Variants in THSD4 observed in about 807,000 individuals in gnomAD.
THSD4 encodes the protein thrombospondin type-1 domain-containing protein 4.
THSD4 carries 69 observed loss-of-function variants against 119.0 expected under a neutral mutation model. The observed-to-expected ratio is 0.58, with a 90% confidence interval of 0.48 to 0.71. The LOEUF (loss-of-function observed/expected upper bound fraction) is 0.71, where lower values mean the gene tolerates loss of function less well. THSD4 is among the 30% of genes least tolerant of loss of function. The probability of loss-of-function intolerance (pLI) is 0.00; values close to 1 mark genes in which losing one functional copy is unlikely to be tolerated. For missense variants in THSD4, 1,393 were observed against 1,391.1 expected (o/e 1.00, Z -0.02); for synonymous variants, 524 against 540.4 (o/e 0.97, Z 0.42).
intron 7 of THSD4, among the ~76,000 whole-genome samples, chr15:71,452,277 C>T (rs550730387): frequency 6.6e-6 from 1 of 152,252 alleles, no homozygotes; most frequent in African/African-American, 2.4e-5. Flanking sequence ...CTCCCAGCTC[C>T]CATTTTCCCA....
At chr15:71,337,350 G>A (rs1038282518) in intron 6 of THSD4, among the ~76,000 whole-genome samples, 2 of 152,218 alleles carry the variant, frequency 1.3e-5, no homozygotes, top group Non-Finnish European at 2.9e-5. Context: ...GGAGCCAGGA[G>A]TGAAAAGTGG....
At chr15:71,666,182 G>C (rs985454614) in intron 8 of THSD4, among the ~76,000 whole-genome samples, 3 of 152,122 alleles carry the variant, frequency 2.0e-5, no homozygotes. Context: ...ATTTCCTTGA[G>C]TGGTGTTTTG....
At chr15:71,284,511 G>A (rs946811245) in intron 6 of THSD4, among the ~76,000 whole-genome samples, 2 of 152,184 alleles carry the variant, frequency 1.3e-5, no homozygotes, top group Non-Finnish European at 2.9e-5. Context: ...ATGCTGAGAA[G>A]CCAAGTTACT....
At chr15:71,759,870 C>G (rs552080181) in intron 15 of THSD4, among the ~76,000 whole-genome samples, 1 of 152,154 alleles carries the variant, frequency 6.6e-6, no homozygotes, top group African/African-American at 2.4e-5. Flanking sequence ...AGATTAGAAA[C>G]AAAGGATTTG....
At chr15:71,572,650 G>T (rs1369013337) in intron 7 of THSD4, among the ~76,000 whole-genome samples, 6 of 152,148 alleles carry the variant, frequency 3.9e-5, no homozygotes, top group African/African-American at 1.4e-4. Flanking sequence ...GAGTCCAAAA[G>T]GGCTTGCTGA....
At chr15:71,155,540 C>T (rs953816226) in intron 3 of THSD4, among the ~76,000 whole-genome samples, 2 of 152,174 alleles carry the variant, frequency 1.3e-5, no homozygotes, top group Admixed American at 1.3e-4. Context: ...AGAGCAGTGC[C>T]AGCTTTGCAA....
chr15:71,702,359 A>T (rs1227566269), intron 8 of THSD4, among the ~76,000 whole-genome samples: 1 of 152,214 alleles, frequency 6.6e-6, no homozygotes, highest in African/African-American at 2.4e-5. Context: ...TGAATCTTTT[A>T]AAAGAATTTT....
At chr15:71,346,607 G>T (rs139430448) in intron 6 of THSD4, among the ~76,000 whole-genome samples, 1 of 152,062 alleles carries the variant, frequency 6.6e-6, no homozygotes, top group Non-Finnish European at 1.5e-5. Context: ...CCTGGAATCA[G>T]CCATTTTTCC....
chr15:71,312,579 A>G (rs1264273715), intron 6 of THSD4, among the ~76,000 whole-genome samples: 3 of 152,024 alleles, frequency 2.0e-5, no homozygotes, highest in African/African-American at 7.2e-5. Flanking sequence ...TATTTAAGCC[A>G]CCCACTCTGT....
At chr15:71,535,684 C>G (rs945731797) in intron 7 of THSD4, among the ~76,000 whole-genome samples, 1 of 152,168 alleles carries the variant, frequency 6.6e-6, no homozygotes, top group African/African-American at 2.4e-5. Context: ...CCTAATGACT[C>G]TTGATGTTGA....
intron 7 of THSD4, among the ~76,000 whole-genome samples, chr15:71,490,858 T>C (rs1165931524): frequency 6.6e-6 from 1 of 152,250 alleles, no homozygotes; most frequent in Non-Finnish European, 1.5e-5. Context: ...TGCCCATTTG[T>C]TTCTGTATTG....
At chr15:71,212,267 T>C (rs1175974015) in intron 3 of THSD4, among the ~76,000 whole-genome samples, 2 of 152,238 alleles carry the variant, frequency 1.3e-5, no homozygotes, top group African/African-American at 4.8e-5. Flanking sequence ...GGTTAGTTTC[T>C]CACCATGGGG....
At position 71,731,148 on chromosome 15, in the gene THSD4, G is replaced by A. The variant is rs376665955; in HGVS notation, c.1561G>A (p.Val521Met). The A allele has an allele frequency of 1.2e-5, 20 of 1,613,986 alleles. No individual in the cohort carries two copies. In the African/African-American group the frequency reaches 1.5e-4, roughly 12 times the overall value. The change falls in exon 10 of 18, where the codon GTG becomes ATG. Residue 521 changes from valine (V) to methionine (M), a missense_variant. Physicochemically the swap from Val to Met is conservative, Grantham distance 21 (BLOSUM62 1). Coordinates refer to ENST00000261862, the MANE Select transcript of THSD4 (RefSeq NM_024817.3). ...GATACACCAGCAGCCAAACCCAGGC[G>A]TGCACTACGAGTACGTGATCATGGG... ...YMIHQQPNPG[V>M]HYEYVIMGTN...
chr15:71,334,373 A>G (rs1351080642), intron 6 of THSD4, among the ~76,000 whole-genome samples: 2 of 152,228 alleles, frequency 1.3e-5, no homozygotes, highest in African/African-American at 4.8e-5. Context: ...TAAGAGGTGG[A>G]CATCGGCAGC....
chr15:71,404,507 G>A (rs990049490), intron 6 of THSD4, among the ~76,000 whole-genome samples: 1 of 152,174 alleles, frequency 6.6e-6, no homozygotes, highest in Admixed American at 6.5e-5. Context: ...AGACATTTCA[G>A]TTTCCCCTTT....
At chr15:71,300,383 G>A (rs1567186847) in intron 6 of THSD4, among the ~76,000 whole-genome samples, 1 of 152,114 alleles carries the variant, frequency 6.6e-6, no homozygotes, top group Non-Finnish European at 1.5e-5. Context: ...AAGGAGTTCT[G>A]GAAAATAGTA....
At chr15:71,309,121 T>C (rs2045076517) in intron 6 of THSD4, among the ~76,000 whole-genome samples, 1 of 152,128 alleles carries the variant, frequency 6.6e-6, no homozygotes, top group Admixed American at 6.5e-5. Flanking sequence ...AGCTAATTTT[T>C]TGTATTTTCA....
chr15:71,478,510 C>T (rs1024760996), intron 7 of THSD4, among the ~76,000 whole-genome samples: 4 of 152,094 alleles, frequency 2.6e-5, no homozygotes, highest in African/African-American at 9.7e-5. Context: ...GTGGACTCCA[C>T]CCAAAAGATG....
At chr15:71,464,960 CGTGA>C (rs922452035) in intron 7 of THSD4, among the ~76,000 whole-genome samples, 6 of 151,802 alleles carry the variant, frequency 4.0e-5, no homozygotes, top group African/African-American at 1.2e-4. Flanking sequence ...TATATTCCCC[CGTGA>C]GTAAGTAAGA....
Sources: gnomAD v4.1 joint callset for allele counts (sites outside exome capture counted in the v4.1 genomes callset) on GRCh38, gnomAD v4.1.1 for gene constraint, MANE v1.5 for transcripts, NCBI Gene and HGNC (gene_info 2026-07-23, HGNC 2026-07-21) for gene names.